RGS11: variants seen among roughly 807,000 people sequenced by gnomAD.
The protein encoded by RGS11 is regulator of G protein signaling 11.
Under a neutral mutation model 71.1 loss-of-function variants are expected in RGS11, and 86 were observed. The observed-to-expected ratio is 1.21, with a 90% CI of 1.02 to 1.45. The LOEUF (loss-of-function observed/expected upper bound fraction) is 1.45, where lower values mean the gene tolerates loss of function less well. Ranked by LOEUF, RGS11 falls within the 40% of genes most tolerant of loss-of-function variation. The pLI is 0.00. For synonymous variants in RGS11, 298 were observed against 254.2 expected, an observed-to-expected ratio of 1.17 and a Z score of -1.64; for missense variants, 734 against 635.1, an observed-to-expected ratio of 1.16 and a Z score of -1.67.
At chr16:273,900 AGTTGGGGG>A in intron 6 of RGS11, 64 bp from the exon 7 acceptor site, 2 of 1,527,736 alleles carry the variant, frequency 1.3e-6, no homozygotes, top group Non-Finnish European at 1.8e-6. Context: ...CTGTGTGGGC[AGTTGGGGG>A]GTTGGGGACT....
Position 271,029 on chromosome 16 carries a change from C to T in RGS11, c.934G>A (p.Val312Met), listed in dbSNP as rs746233784. The T allele has an allele frequency of 2.2e-5, 35 of 1,610,064 alleles. No homozygotes were observed. Among genetic ancestry groups the T allele is most frequent in the Middle Eastern group, 1.6e-4 (1 of 6,074 alleles). The change falls in exon 13 of 17, where the codon GTG becomes ATG. Residue 312 changes from valine (V) to methionine (M), a missense_variant. Val to Met is a conservative substitution (Grantham distance 21, BLOSUM62 1). Transcript: ENST00000397770. ...AAGTCCATGAAGTGGGCCCGCCCCA[C>T]GGGGTCCTCCAGGAGCTCCCGGAAG... is the stretch of plus-strand genomic sequence containing the variant. ...FSFRELLEDP[V>M]GRAHFMDFLG...
intron 9 of RGS11, chr16:272,487 G>A: frequency 7.4e-7 from 1 of 1,345,780 alleles, no homozygotes; most frequent in Non-Finnish European, 9.7e-7. Context: ...GGTTCTGGAG[G>A]CCTCCACCTG....
At position 271,190 on chromosome 16, in the gene RGS11, G is replaced by A. The variant is rs767875431; in HGVS notation, c.863+12C>T. ...AGCACACCCGCAGTCCCGCTGCCCC[G>A]CCTGGGCTCACGTGGGGGCATTCAT... On this transcript the variant is annotated intron_variant, in intron 12 of 16. Coordinates refer to ENST00000397770, the MANE Select transcript of RGS11 (RefSeq NM_183337.3). 1.7e-5 allele frequency: 27 copies of A among 1,609,900 alleles called. No homozygotes were observed. Among genetic ancestry groups the A allele is most frequent in the African/African-American group, 6.7e-5 (5 of 74,864 alleles).
chr16:271,602 C>A, intron 9 of RGS11, 33 bp from the exon 10 acceptor site: 1 of 1,609,094 alleles, frequency 6.2e-7, no homozygotes, highest in Admixed American at 1.7e-5. Context: ...CAGTTAGATG[C>A]AGGTCCCCTG....
chr16:272,483 G>C lies in RGS11; in HGVS notation c.657+380C>G, dbSNP rs977480684. The C allele has an allele frequency of 4.4e-5, 59 of 1,342,874 alleles. No homozygotes were observed. In the African/African-American group the frequency reaches 7.9e-4, roughly 18 times the overall value. The allele number at this position is 1,342,874 out of a possible 1,614,324, so 83.2% of individuals were successfully genotyped here. A position where few individuals can be genotyped will look rare whatever the true frequency, so the allele number is the denominator to read the frequency against. ...CCTCTGGTCTGGTCCCTCTGGTTCTGGAGGCCTCCACCTGGAGGGAGGTTG... is the reference window on the plus strand; with the variant it reads ...CCTCTGGTCTGGTCCCTCTGGTTCTCGAGGCCTCCACCTGGAGGGAGGTTG... On this transcript the variant is annotated intron_variant, in intron 9 of 16. Coordinates refer to ENST00000397770, the MANE Select transcript of RGS11 (RefSeq NM_183337.3).
At position 271,583 on chromosome 16, in the gene RGS11, G is replaced by A. The variant is rs942170273; in HGVS notation, c.658-14C>T. On this transcript the variant is annotated splice_polypyrimidine_tract_variant and intron_variant, in intron 9 of 16. Transcript: ENST00000397770. ...TGCACTCTTGGTCTAGAAGGGGATA[G>A]GTGGGCTGCAGTTAGATGCAGGTCC... 6.2e-7 allele frequency: 1 copy of A among 1,613,624 alleles called. No homozygotes were observed. Among genetic ancestry groups the A allele is most frequent in the Non-Finnish European group, 8.5e-7 (1 of 1,179,866 alleles).
chr16:270,611 G>A lies in RGS11; in HGVS notation c.1118C>T (p.Thr373Ile), dbSNP rs535426308. Residue 373 changes from threonine (T) to isoleucine (I), a missense_variant, in exon 15 of 17, where the codon ACC becomes ATC. By Grantham distance (89) the Thr-to-Ile change is moderately conservative (BLOSUM62 -1). Transcript: ENST00000397770. ...CAGCCCCTCCAGGGTCTGCTCCATG[G>A]TCCGGCTGTCGATGTTGACCCAGTG... The part of the protein sequence containing the change: ...AAHWVNIDSR[T>I]MEQTLEGLRQ... 1.9e-6 allele frequency: 3 copies of A among 1,608,224 alleles called. No homozygotes were observed. Among genetic ancestry groups the A allele is most frequent in the East Asian group, 2.2e-5 (1 of 44,692 alleles).
intron 8 of RGS11, among the ~76,000 whole-genome samples, chr16:273,176 C>T (rs956563365): frequency 3.3e-5 from 5 of 152,176 alleles, no homozygotes; most frequent in Non-Finnish European, 7.3e-5. Flanking sequence ...CAGCCAAGGC[C>T]GCCCCCACTC....
chr16:272,158 T>C, intron 9 of RGS11: 3 of 1,147,098 alleles, frequency 2.6e-6, no homozygotes, highest in Non-Finnish European at 3.3e-6. Flanking sequence ...TTTTCAAATG[T>C]ACTTAAATTA....
At chr16:273,940 G>C (rs1262251549) in intron 6 of RGS11, 103 bp downstream of exon 6, 2 of 1,463,938 alleles carry the variant, frequency 1.4e-6, no homozygotes, top group Middle Eastern at 1.8e-4. Flanking sequence ...TGGGGCCTGG[G>C]CTGTATGTTC....
intron 15 of RGS11, chr16:270,048 G>C (rs1275708731): frequency 5.6e-6 from 1 of 178,686 alleles, no homozygotes; most frequent in African/African-American, 2.4e-5. Context: ...GGGAGATCGA[G>C]ACCGTCCTGG....
At chr16:270,344 C>T (rs577606952) in intron 15 of RGS11, among the ~76,000 whole-genome samples, 179 bp downstream of exon 15, 1 of 152,212 alleles carries the variant, frequency 6.6e-6, no homozygotes, top group Non-Finnish European at 1.5e-5. Flanking sequence ...CCGGAGTGGG[C>T]TCAGGACGGA....
At chr16:271,927 C>T (rs1486518591) in intron 9 of RGS11, 4 of 322,326 alleles carry the variant, frequency 1.2e-5, no homozygotes, top group African/African-American at 8.6e-5. Flanking sequence ...ACCTCCGCCT[C>T]CTGGATTCAA....
At position 273,626 on chromosome 16, in the gene RGS11, T is replaced by C. The variant is rs973999417; in HGVS notation, c.507-70A>G. 3.3e-6 allele frequency: 5 copies of C among 1,505,088 alleles called. No homozygotes were observed. The South Asian group carries it at 4.8e-5, about 14-fold the overall frequency. The allele number at this position is 1,505,088 out of a possible 1,614,324, so 93.2% of individuals were successfully genotyped here. ...GCCCCTCCGCCCCCACCCTCAGGCC[T>C]GGACCTGGGCAGGCAGCCACACCCA... On this transcript the variant is annotated intron_variant, in intron 7 of 16. Transcript: ENST00000397770.
chr16:268,657 G>A lies in RGS11; in HGVS notation c.*612C>T. The A allele has an allele frequency of 9.8e-7, 1 of 1,025,356 alleles. No individual in the cohort carries two copies. Among genetic ancestry groups the A allele is most frequent in the East Asian group, 2.6e-5 (1 of 38,108 alleles). 63.5% of individuals were successfully genotyped at this position (1,025,356 alleles called of 1,614,324 possible). On this transcript the variant is annotated 3_prime_UTR_variant, in exon 17 of 17. Coordinates refer to ENST00000397770, the MANE Select transcript of RGS11 (RefSeq NM_183337.3). ...GCGGCCTCGAGGTGGGAAAGCAGGTGCCGGCGCACCTGTGGACAAATTCTG... is the reference window on the plus strand; with the variant it reads ...GCGGCCTCGAGGTGGGAAAGCAGGTACCGGCGCACCTGTGGACAAATTCTG...
In RGS11 at chr16:273,462, CAGGTGGGCTCACCGG is replaced by C; in HGVS notation, c.586_588+12del. Reference sequence around the variant, plus strand: ...TGGCCAGCGACCCCCACCCTCACCGCAGGTGGGCTCACCGGGGGCCTGTTCACCAGCCAGTAGGTC... The same window carrying C: ...TGGCCAGCGACCCCCACCCTCACCGCGGGCCTGTTCACCAGCCAGTAGGTC... On this transcript the variant is annotated splice_donor_variant and splice_donor_5th_base_variant and coding_sequence_variant and intron_variant, in exon 8 of 17. Transcript: ENST00000397770. LOFTEE classifies it high-confidence loss of function. The C allele has an allele frequency of 5.8e-6, 9 of 1,543,674 alleles. No individual in the cohort carries two copies. The highest frequency in any genetic ancestry group is 6.1e-6 in the Non-Finnish European group (7 of 1,142,730).
At chr16:273,707 G>A (rs896175832) in intron 7 of RGS11, 53 bp downstream of exon 7, 45 of 1,580,570 alleles carry the variant, frequency 2.8e-5, no homozygotes, top group African/African-American at 2.8e-4. Context: ...TGGGCTTCCC[G>A]GGTAGCCTGG....
Position 272,912 on chromosome 16 carries a change from A to T in RGS11, c.608T>A (p.Leu203Gln). ...GGATCCCCGCCCTGGACCCTGCTCC[A>T]GCACATCGGGGGCCCCGGGCTGCGG... is the stretch of plus-strand genomic sequence containing the variant. Reference protein sequence around the residue: ...NRPPPGAPDVLEQGPGRGSCA... With the variant: ...NRPPPGAPDVQEQGPGRGSCA... Residue 203 changes from leucine to glutamine, a missense_variant, in exon 9 of 17, where the codon CTG (leucine) becomes CAG (glutamine). Physicochemically the swap from Leu to Gln is moderately radical, Grantham distance 113 (BLOSUM62 -2). Coordinates refer to ENST00000397770, the MANE Select transcript of RGS11 (RefSeq NM_183337.3). 2 of 1,522,886 alleles carry T rather than the reference A, an allele frequency of 1.3e-6. No individual in the cohort carries two copies. Among genetic ancestry groups the T allele is most frequent in the African/African-American group, 1.4e-5 (1 of 72,534 alleles). The allele number at this position is 1,522,886 out of a possible 1,614,324, so 94.3% of individuals were successfully genotyped here. A position where few individuals can be genotyped will look rare whatever the true frequency, so the allele number is the denominator to read the frequency against.
chr16:275,346 G>C lies in RGS11; in HGVS notation c.161-13C>G. Reference sequence around the variant, plus strand: ...ACGACGTCGCTGCCTGCACGGGAGAGACAGAGGTGGAGGGAGGCCGAGGCG... The same window carrying C: ...ACGACGTCGCTGCCTGCACGGGAGACACAGAGGTGGAGGGAGGCCGAGGCG... On this transcript the variant is annotated splice_polypyrimidine_tract_variant and intron_variant, in intron 2 of 16. Transcript: ENST00000397770. The C allele has an allele frequency of 6.2e-7, 1 of 1,612,086 alleles. No homozygotes were observed. The highest frequency in any genetic ancestry group is 8.5e-7 in the Non-Finnish European group (1 of 1,179,824).
Sources: allele counts gnomAD v4.1 joint callset (sites outside exome capture counted in the v4.1 genomes callset), GRCh38; gene constraint gnomAD v4.1.1; transcripts MANE v1.5; gene names NCBI Gene and HGNC (gene_info 2026-07-23, HGNC 2026-07-21).